The following TTC7B variants were observed in gnomAD, a reference collection of about 807,000 sequenced individuals.
TTC7B encodes tetratricopeptide repeat protein 7B.
TTC7B carries 28 observed loss-of-function variants against 106.8 expected under a neutral mutation model. That is an observed-to-expected ratio of 0.26 (90% CI 0.19 to 0.36). TTC7B has a LOEUF of 0.36. Ranked by LOEUF, TTC7B falls within the 10% of genes least tolerant of loss-of-function variation. TTC7B has a pLI of 1.00. For missense variants in TTC7B, 862 were observed against 1,076.4 expected, an observed-to-expected ratio of 0.80 and a Z score of 2.79; for synonymous variants, 405 against 430.6, an observed-to-expected ratio of 0.94 and a Z score of 0.74.
intron 19 of TTC7B, among the ~76,000 whole-genome samples, chr14:90,557,926 C>G (rs1890393567): frequency 6.6e-6 from 1 of 152,242 alleles, no homozygotes; most frequent in Non-Finnish European, 1.5e-5. Flanking sequence ...GAAGAGCTGC[C>G]AGGCTCCTGA....
chr14:90,695,435 A>G, intron 6 of TTC7B, 65 bp downstream of exon 6: 1 of 863,562 alleles, frequency 1.2e-6, no homozygotes, highest in Non-Finnish European at 1.7e-6. Context: ...GTAAAAAAAT[A>G]TGAATGTAAA....
intron 17 of TTC7B, among the ~76,000 whole-genome samples, chr14:90,604,634 G>A (rs1892566738): frequency 6.6e-6 from 1 of 152,170 alleles, no homozygotes; most frequent in Admixed American, 6.5e-5. Flanking sequence ...GAACAAAGAT[G>A]AGCCCTTATA....
chr14:90,803,935 T>A (rs1162970376), intron 1 of TTC7B, among the ~76,000 whole-genome samples: 1 of 151,976 alleles, frequency 6.6e-6, no homozygotes, highest in Non-Finnish European at 1.5e-5. Flanking sequence ...AGGAAGTGAC[T>A]CTACCAGGCA....
intron 15 of TTC7B, among the ~76,000 whole-genome samples, chr14:90,631,050 G>T (rs902329645): frequency 2.6e-5 from 4 of 152,164 alleles, no homozygotes; most frequent in Non-Finnish European, 5.9e-5. Flanking sequence ...TAGCTAGGAT[G>T]GTCTCGATCT....
At chr14:90,605,093 G>C (rs1052179619) in intron 17 of TTC7B, among the ~76,000 whole-genome samples, 1 of 152,138 alleles carries the variant, frequency 6.6e-6, no homozygotes, top group South Asian at 2.1e-4. Context: ...TGGGGACCAG[G>C]GGATCCGCTG....
chr14:90,599,508 C>T (rs1242812137), intron 17 of TTC7B, among the ~76,000 whole-genome samples: 2 of 152,250 alleles, frequency 1.3e-5, no homozygotes, highest in Non-Finnish European at 2.9e-5. Flanking sequence ...TCACATGAGG[C>T]TGGCAGGATT....
intron 7 of TTC7B, among the ~76,000 whole-genome samples, chr14:90,683,873 A>G (rs1022136765): frequency 4.6e-5 from 7 of 152,260 alleles, no homozygotes; most frequent in Non-Finnish European, 7.3e-5. Context: ...TCGGCCATCA[A>G]GAAGTCATCC....
intron 15 of TTC7B, among the ~76,000 whole-genome samples, chr14:90,637,125 GAC>G (rs1292240365): frequency 6.6e-6 from 1 of 151,882 alleles, no homozygotes; most frequent in Non-Finnish European, 1.5e-5. Flanking sequence ...CCATGTAACA[GAC>G]AAGTATCTGG....
chr14:90,655,132 AAAC>A lies in TTC7B; in HGVS notation c.1342-25_1342-23del, dbSNP rs546666412. ...CCAACTGAAAAATGAGACAAGTTAAAAACAACAACAACCTGCAGAATTTCTAAC... is the reference window on the plus strand; with the variant it reads ...CCAACTGAAAAATGAGACAAGTTAAAAACAACAACCTGCAGAATTTCTAAC... On this transcript the variant is annotated intron_variant, in intron 11 of 19. Coordinates refer to ENST00000328459, the MANE Select transcript of TTC7B (RefSeq NM_001010854.2). 3.8e-6 allele frequency: 6 copies of A among 1,567,704 alleles called. No individual in the cohort carries two copies. The African/African-American group carries it at 4.1e-5, about 11-fold the overall frequency.
intron 17 of TTC7B, among the ~76,000 whole-genome samples, chr14:90,610,132 C>A (rs144613455): frequency 2.8e-4 from 42 of 152,340 alleles, no homozygotes; most frequent in Non-Finnish European, 5.0e-4. Flanking sequence ...CAACACACTT[C>A]TGGTCCCGGG....
chr14:90,734,540 T>C (rs926607749), intron 4 of TTC7B, among the ~76,000 whole-genome samples: 3 of 152,122 alleles, frequency 2.0e-5, no homozygotes, highest in Non-Finnish European at 4.4e-5. Flanking sequence ...TCTGTTTCTA[T>C]AGAAGACTTC....
At position 90,578,829 on chromosome 14, in the gene TTC7B, G is replaced by T. The variant is rs939053368; in HGVS notation, c.2108-521C>A. On this transcript the variant is annotated intron_variant, in intron 18 of 19. Transcript: ENST00000328459. The surrounding 1 kb of genome is among the most constrained non-coding windows in gnomAD (Gnocchi z 4.7). ...ATGTTCACAGGCGTGATGCAAGATGGCTGCCCCGCCACACCTGGCCCCTGA... is the reference window on the plus strand; with the variant it reads ...ATGTTCACAGGCGTGATGCAAGATGTCTGCCCCGCCACACCTGGCCCCTGA... Among the ~76,000 whole-genome samples, 1 of 152,108 alleles carries T rather than the reference G, an allele frequency of 6.6e-6. No individual in the cohort carries two copies. The highest frequency in any genetic ancestry group is 2.4e-5 in the African/African-American group (1 of 41,436).
At chr14:90,544,202 C>T (rs1332957080) in intron 19 of TTC7B, among the ~76,000 whole-genome samples, 2 of 152,226 alleles carry the variant, frequency 1.3e-5, no homozygotes, top group African/African-American at 4.8e-5. Context: ...TGGCTGCCCT[C>T]CCCCGTCTGG....
At chr14:90,651,781 G>T (rs570720908) in intron 13 of TTC7B, among the ~76,000 whole-genome samples, 1 of 152,232 alleles carries the variant, frequency 6.6e-6, no homozygotes, top group Non-Finnish European at 1.5e-5. Context: ...GAAATGAGAC[G>T]GAAGAGTTTC....
In TTC7B at chr14:90,578,472, G is replaced by C. The variant is rs962308482; in HGVS notation, c.2108-164C>G. ...ACAGCTGCCGCTGACAGTCCCTCCT[G>C]CCCACTCCTATATGGGGACTGGAGT... On this transcript the variant is annotated intron_variant, in intron 18 of 19. Transcript: ENST00000328459. This position sits in a 1 kb window ranked among gnomAD's most constrained non-coding sequence, Gnocchi z 4.7. 6.6e-6 allele frequency among the ~76,000 whole-genome samples: 1 copy of C among 152,110 alleles called. No individual in the cohort carries two copies. The highest frequency in any genetic ancestry group is 2.4e-5 in the African/African-American group (1 of 41,444).
chr14:90,811,390 G>A (rs545515039), intron 1 of TTC7B, among the ~76,000 whole-genome samples: 16 of 152,292 alleles, frequency 1.1e-4, no homozygotes, highest in Admixed American at 5.2e-4. Context: ...AACAGGGGCT[G>A]CCTCACCCCA....
At chr14:90,574,358 CCTT>C in intron 19 of TTC7B, among the ~76,000 whole-genome samples, 1 of 152,226 alleles carries the variant, frequency 6.6e-6, no homozygotes, top group Non-Finnish European at 1.5e-5. Flanking sequence ...CTTGGCAACT[CCTT>C]ATCCCTCTAG....
chr14:90,696,786 G>T (rs1056184560), intron 5 of TTC7B, among the ~76,000 whole-genome samples: 1 of 152,174 alleles, frequency 6.6e-6, no homozygotes, highest in African/African-American at 2.4e-5. Flanking sequence ...CTTGATGGTG[G>T]CATAAAAAGA....
At chr14:90,594,946 C>T (rs1431130200) in intron 17 of TTC7B, among the ~76,000 whole-genome samples, 1 of 152,296 alleles carries the variant, frequency 6.6e-6, no homozygotes, top group Admixed American at 6.5e-5. Context: ...TCAGAGTGGG[C>T]CGACAGTGCC....
Sources: allele counts gnomAD v4.1 joint callset (sites outside exome capture counted in the v4.1 genomes callset), GRCh38; gene constraint gnomAD v4.1.1; non-coding constraint Gnocchi (gnomAD v3.1); transcripts MANE v1.5; gene names NCBI Gene and HGNC (gene_info 2026-07-23, HGNC 2026-07-21).